Variants in ORC4 observed in about 807,000 individuals in gnomAD.
The protein encoded by ORC4 is origin recognition complex, subunit 4 homolog.
A neutral mutation model predicts 63.9 loss-of-function variants in ORC4; 55 were observed. The observed-to-expected ratio is 0.86, with a 90% confidence interval of 0.69 to 1.08. The LOEUF is 1.08. Ranked by LOEUF, ORC4 falls within the 50% of genes least tolerant of loss-of-function variation. The probability of loss-of-function intolerance (pLI) is 0.00; values close to 1 mark genes in which losing one functional copy is unlikely to be tolerated. For synonymous variants in ORC4, 150 were observed against 168.5 expected (o/e 0.89, Z 0.85); for missense variants, 511 against 504.4 (o/e 1.01, Z -0.13).
intron 1 of ORC4, among the ~76,000 whole-genome samples, chr2:147,998,182 A>G (rs1692084993): frequency 6.6e-6 from 1 of 152,242 alleles, no homozygotes. Context: ...AATACAAAAA[A>G]GAAACAAAGG....
At chr2:148,016,391 T>A (rs1396115557) in intron 1 of ORC4, among the ~76,000 whole-genome samples, 1 of 152,190 alleles carries the variant, frequency 6.6e-6, no homozygotes, top group African/African-American at 2.4e-5. Context: ...CTGAGAAGTA[T>A]GCTCAGCAAA....
chr2:147,941,117 T>C (rs941354986), intron 10 of ORC4, among the ~76,000 whole-genome samples: 1 of 152,170 alleles, frequency 6.6e-6, no homozygotes, highest in Non-Finnish European at 1.5e-5. Flanking sequence ...AAATATATTG[T>C]ATCTTCACAA....
chr2:147,945,776 A>G (rs748161328), intron 9 of ORC4, among the ~76,000 whole-genome samples: 9 of 152,062 alleles, frequency 5.9e-5, no homozygotes, highest in Non-Finnish European at 1.3e-4. Context: ...CTGCCATTCA[A>G]AATAGCTTCC....
At chr2:147,949,620 T>G (rs1431452314) in intron 8 of ORC4, among the ~76,000 whole-genome samples, 1 of 152,158 alleles carries the variant, frequency 6.6e-6, no homozygotes, top group Non-Finnish European at 1.5e-5. Context: ...TTTAAGGAAT[T>G]ACAGCTAATA....
At chr2:147,999,722 C>A (rs563318869) in intron 1 of ORC4, among the ~76,000 whole-genome samples, 26 of 152,218 alleles carry the variant, frequency 1.7e-4, no homozygotes, top group Non-Finnish European at 2.6e-4. Context: ...TTTCCACCCA[C>A]AAAATGCCCA....
chr2:147,955,158 G>A (rs1689174981), intron 7 of ORC4, among the ~76,000 whole-genome samples, 189 bp downstream of exon 7: 1 of 151,396 alleles, frequency 6.6e-6, no homozygotes, highest in Admixed American at 6.6e-5. Context: ...ATAAAGATAA[G>A]AAACCAAATG....
At chr2:147,967,543 G>T (rs1689962907) in intron 4 of ORC4, among the ~76,000 whole-genome samples, 2 of 150,770 alleles carry the variant, frequency 1.3e-5, no homozygotes, top group South Asian at 4.2e-4. Context: ...CCATTTATAA[G>T]AGCTACCAAA....
At chr2:148,019,502 G>C (rs1304482063) in intron 1 of ORC4, among the ~76,000 whole-genome samples, 1 of 152,236 alleles carries the variant, frequency 6.6e-6, no homozygotes, top group Non-Finnish European at 1.5e-5. Context: ...TGAGGCAGGA[G>C]AACTGCTTGA....
chr2:147,952,855 CAT>C (rs1310588956), intron 7 of ORC4, among the ~76,000 whole-genome samples: 1 of 151,292 alleles, frequency 6.6e-6, no homozygotes, highest in African/African-American at 2.4e-5. Context: ...GGAGAAATCC[CAT>C]CTCTACTAAA....
rs894676783 is a variant in ORC4, at chr2:148,019,224, G to T, written c.-18+1409C>A. Among the ~76,000 whole-genome samples, 11 of 152,270 alleles carry T rather than the reference G, an allele frequency of 7.2e-5. No individual in the cohort carries two copies. In the East Asian group the frequency reaches 2.1e-3, roughly 29 times the overall value. ...AGGGCTAAGCAATGATGCATAAACGGGGTCCACTGCCCAAACTTACAGAAA... is the reference window on the plus strand; with the variant it reads ...AGGGCTAAGCAATGATGCATAAACGTGGTCCACTGCCCAAACTTACAGAAA... On this transcript the variant is annotated intron_variant, in intron 1 of 13. Coordinates refer to ENST00000392857, the MANE Select transcript of ORC4 (RefSeq NM_181741.4).
intron 1 of ORC4, among the ~76,000 whole-genome samples, chr2:147,991,582 A>G (rs1691610796): frequency 6.6e-6 from 1 of 152,052 alleles, no homozygotes; most frequent in African/African-American, 2.4e-5. Flanking sequence ...TAATCCCAGC[A>G]CTTTGGGAGG....
At chr2:147,987,963 G>C (rs1665678011) in intron 1 of ORC4, among the ~76,000 whole-genome samples, 1 of 151,168 alleles carries the variant, frequency 6.6e-6, no homozygotes, top group Non-Finnish European at 1.5e-5. Flanking sequence ...TTAGGCAGGA[G>C]AATGGTGTGA....
chr2:147,995,644 C>A (rs1302978030), intron 1 of ORC4, among the ~76,000 whole-genome samples: 1 of 151,474 alleles, frequency 6.6e-6, no homozygotes, highest in Non-Finnish European at 1.5e-5. Flanking sequence ...GAGGAACAAA[C>A]AACTCCAGAC....
chr2:147,997,123 T>C (rs913385097), intron 1 of ORC4, among the ~76,000 whole-genome samples: 2 of 152,226 alleles, frequency 1.3e-5, no homozygotes, highest in Non-Finnish European at 2.9e-5. Context: ...AGATGTATAC[T>C]GCTAAGTGAA....
chr2:147,931,129 A>AGTT lies in ORC4; in HGVS notation c.*4378_*4380dup, dbSNP rs1488368744. On this transcript the variant is annotated 3_prime_UTR_variant, in exon 14 of 14. Transcript: ENST00000392857. ...GTGTTTGGTTTTTTGTTCTTGTGAT[A>AGTT]GTTTACTGAGAATGATGATTTCCAA... 5 of 149,070 alleles carry AGTT rather than the reference A, an allele frequency of 3.4e-5. No homozygotes were observed. The Admixed American group carries it at 3.4e-4, about 10-fold the overall frequency. 9.2% of individuals were successfully genotyped at this position (149,070 alleles called of 1,614,324 possible). A position where few individuals can be genotyped will look rare whatever the true frequency, so the allele number is the denominator to read the frequency against.
chr2:147,995,661 C>A (rs182590053), intron 1 of ORC4, among the ~76,000 whole-genome samples: 518 of 151,842 alleles, frequency 3.4e-3, no homozygotes, highest in East Asian at 8.3e-3. Flanking sequence ...AGACGCGCCA[C>A]CTTTAAGAGC....
At chr2:147,998,659 A>G (rs1050150170) in intron 1 of ORC4, among the ~76,000 whole-genome samples, 2 of 152,210 alleles carry the variant, frequency 1.3e-5, no homozygotes, top group African/African-American at 2.4e-5. Context: ...ATAAAACCTC[A>G]TATCTTTATA....
intron 8 of ORC4, among the ~76,000 whole-genome samples, chr2:147,950,629 G>C (rs1408808406): frequency 6.6e-6 from 1 of 152,024 alleles, no homozygotes; most frequent in African/African-American, 2.4e-5. Context: ...GCCAGGCATG[G>C]CGGTGTGTGG....
chr2:147,976,127 G>A (rs1387048515), intron 1 of ORC4, among the ~76,000 whole-genome samples, 152 bp from the exon 2 acceptor site: 2 of 152,098 alleles, frequency 1.3e-5, no homozygotes, highest in Admixed American at 1.3e-4. Flanking sequence ...GCTTCATTTT[G>A]TCTAAGTACA....
Sources: allele counts gnomAD v4.1 joint callset (sites outside exome capture counted in the v4.1 genomes callset), GRCh38; gene constraint gnomAD v4.1.1; transcripts MANE v1.5; gene names NCBI Gene and HGNC (gene_info 2026-07-23, HGNC 2026-07-21).